The following VSTM4 variants were observed in gnomAD, a reference collection of about 807,000 sequenced individuals.
VSTM4 encodes the protein V-set and transmembrane domain-containing protein 4.
Under a neutral mutation model 36.4 loss-of-function variants are expected in VSTM4, and 20 were observed. The ratio of observed to expected loss-of-function variants is 0.55; its 90% CI spans 0.39 to 0.80. The LOEUF (loss-of-function observed/expected upper bound fraction) is 0.80. Among genes scored for constraint, VSTM4 ranks in the 30% least tolerant of loss-of-function variants. The probability of loss-of-function intolerance (pLI) is 0.00; values close to 1 mark genes in which losing one functional copy is unlikely to be tolerated. For synonymous variants in VSTM4, 182 were observed against 173.9 expected, an observed-to-expected ratio of 1.05 and a Z score of -0.37; for missense variants, 392 against 404.5, an observed-to-expected ratio of 0.97 and a Z score of 0.26.
chr10:49,110,190 G>A (rs1053894493), intron 1 of VSTM4, among the ~76,000 whole-genome samples: 1 of 152,232 alleles, frequency 6.6e-6, no homozygotes, highest in African/African-American at 2.4e-5. Context: ...AGATGGGTGG[G>A]ATGAGAGTGC....
chr10:49,104,800 G>A (rs1844735313), intron 2 of VSTM4, among the ~76,000 whole-genome samples: 1 of 140,158 alleles, frequency 7.1e-6, no homozygotes, highest in Admixed American at 6.9e-5. Context: ...GACACACAGA[G>A]AGATAGAGAG....
intron 7 of VSTM4, among the ~76,000 whole-genome samples, chr10:49,024,500 C>T (rs1192005639): frequency 6.6e-6 from 1 of 152,144 alleles, no homozygotes; most frequent in East Asian, 1.9e-4. Context: ...CGTCCTGGGG[C>T]TGACAGCAGA....
chr10:49,068,212 G>A (rs1844008099), intron 4 of VSTM4, among the ~76,000 whole-genome samples: 1 of 152,080 alleles, frequency 6.6e-6, no homozygotes, highest in Non-Finnish European at 1.5e-5. Flanking sequence ...GGGAAATAGA[G>A]TCTCACAGAA....
At chr10:49,061,621 C>T (rs1453044558) in intron 5 of VSTM4, among the ~76,000 whole-genome samples, 1 of 152,172 alleles carries the variant, frequency 6.6e-6, no homozygotes, top group East Asian at 1.9e-4. Flanking sequence ...GAGCCTTTAT[C>T]ATCTAATGTC....
chr10:49,053,058 C>T (rs1211195834), intron 5 of VSTM4, among the ~76,000 whole-genome samples: 1 of 152,136 alleles, frequency 6.6e-6, no homozygotes, highest in African/African-American at 2.4e-5. Context: ...AAAAGTTATT[C>T]GACATCTCAG....
At chr10:49,043,372 T>C (rs2131954684) in intron 7 of VSTM4, among the ~76,000 whole-genome samples, 1 of 152,362 alleles carries the variant, frequency 6.6e-6, no homozygotes, top group Admixed American at 6.5e-5. Flanking sequence ...AAACCTTAAA[T>C]GTGGCTACTA....
intron 4 of VSTM4, among the ~76,000 whole-genome samples, chr10:49,068,766 C>T (rs981614030): frequency 6.6e-6 from 1 of 152,036 alleles, no homozygotes; most frequent in African/African-American, 2.4e-5. Flanking sequence ...CCTAGGAAAC[C>T]CACTGGAAAG....
At chr10:49,025,778 C>T (rs1226345689) in intron 7 of VSTM4, among the ~76,000 whole-genome samples, 1 of 152,200 alleles carries the variant, frequency 6.6e-6, no homozygotes, top group East Asian at 1.9e-4. Flanking sequence ...ACATTCCTGC[C>T]CTCTGAACTG....
At chr10:49,081,924 T>A (rs1358899869) in intron 3 of VSTM4, among the ~76,000 whole-genome samples, 1 of 152,236 alleles carries the variant, frequency 6.6e-6, no homozygotes, top group African/African-American at 2.4e-5. Flanking sequence ...AGTATGCCTA[T>A]GTTCCGAATT....
At chr10:49,025,754 G>A (rs926086664) in intron 7 of VSTM4, among the ~76,000 whole-genome samples, 1 of 152,214 alleles carries the variant, frequency 6.6e-6, no homozygotes, top group African/African-American at 2.4e-5. Context: ...ACCGGCACAC[G>A]GGCTAGCTGC....
intron 2 of VSTM4, among the ~76,000 whole-genome samples, chr10:49,101,268 T>C (rs2132018404): frequency 6.6e-6 from 1 of 152,172 alleles, no homozygotes; most frequent in African/African-American, 2.4e-5. Flanking sequence ...GTGAAATATC[T>C]ATACGGTAAA....
At position 49,077,206 on chromosome 10, in the gene VSTM4, T is replaced by A; in HGVS notation, c.634+13A>T. 1 of 1,613,210 alleles carries A rather than the reference T, an allele frequency of 6.2e-7. No homozygotes were observed. Among genetic ancestry groups the A allele is most frequent in the East Asian group, 2.2e-5 (1 of 44,872 alleles). ...TGCTCCCATCCCAGACATGACCTTA[T>A]CTGTTTTCTTACCTCTGGATTTCCG... On this transcript the variant is annotated intron_variant, in intron 4 of 7. Transcript: ENST00000332853.
intron 2 of VSTM4, among the ~76,000 whole-genome samples, chr10:49,097,617 C>T (rs1431405765): frequency 6.6e-6 from 1 of 152,202 alleles, no homozygotes; most frequent in Non-Finnish European, 1.5e-5. Context: ...CAGCACTGAG[C>T]ATGCAGGACA....
At chr10:49,035,478 G>C (rs1284954753) in intron 7 of VSTM4, among the ~76,000 whole-genome samples, 2 of 152,050 alleles carry the variant, frequency 1.3e-5, no homozygotes, top group Non-Finnish European at 2.9e-5. Context: ...ATCTGCAGTA[G>C]GATTCCCTTT....
chr10:49,094,981 AC>A (rs1356783697), intron 2 of VSTM4, among the ~76,000 whole-genome samples: 1 of 152,204 alleles, frequency 6.6e-6, no homozygotes, highest in Non-Finnish European at 1.5e-5. Flanking sequence ...CCGATGAGAA[AC>A]AATGAAACTC....
intron 4 of VSTM4, among the ~76,000 whole-genome samples, chr10:49,071,615 T>C (rs1219442872): frequency 6.6e-6 from 1 of 152,376 alleles, no homozygotes; most frequent in East Asian, 1.9e-4. Context: ...GAAGAGGGGC[T>C]GGCCTGTGGC....
intron 7 of VSTM4, among the ~76,000 whole-genome samples, chr10:49,029,989 C>T (rs1416982208): frequency 6.6e-6 from 1 of 152,224 alleles, no homozygotes; most frequent in African/African-American, 2.4e-5. Flanking sequence ...ACAGCCTCAC[C>T]CCCAGGTTCC....
Position 49,014,407 on chromosome 10 carries a change from G to T in VSTM4, c.*5243C>A, listed in dbSNP as rs1309083197. ...TAGCATTGTGTTTATTAGAAATTGG[G>T]CACCAAGTCGTCTTTCACCAGTGAC... On this transcript the variant is annotated 3_prime_UTR_variant, in exon 8 of 8. Coordinates refer to ENST00000332853, the MANE Select transcript of VSTM4 (RefSeq NM_001031746.5). The T allele has an allele frequency of 2.0e-5, 3 of 152,150 alleles. No individual in the cohort carries two copies. Among genetic ancestry groups the T allele is most frequent in the Non-Finnish European group, 4.4e-5 (3 of 68,044 alleles). The allele number at this position is 152,150 out of a possible 1,614,324, so 9.4% of individuals were successfully genotyped here.
At chr10:49,094,973 G>A (rs190690686) in intron 2 of VSTM4, among the ~76,000 whole-genome samples, 5 of 152,122 alleles carry the variant, frequency 3.3e-5, no homozygotes, top group East Asian at 1.9e-4. Flanking sequence ...GGCAGCAGCC[G>A]ATGAGAAACA....
Sources: gnomAD v4.1 joint callset for allele counts (sites outside exome capture counted in the v4.1 genomes callset) on GRCh38, gnomAD v4.1.1 for gene constraint, MANE v1.5 for transcripts, NCBI Gene and HGNC (gene_info 2026-07-23, HGNC 2026-07-21) for gene names.